The following FRMPD4 variants were observed in gnomAD, a reference collection of about 807,000 sequenced individuals.
FRMPD4 encodes FERM and PDZ domain-containing protein 4.
Under a neutral mutation model 94.1 loss-of-function variants are expected in FRMPD4, and 22 were observed. The observed-to-expected ratio is 0.23, with a 90% CI of 0.17 to 0.33. The LOEUF (loss-of-function observed/expected upper bound fraction) is 0.33. FRMPD4 is among the 10% of genes least tolerant of loss of function. The pLI is 1.00. For missense variants in FRMPD4, 1,111 were observed against 1,339.9 expected (o/e 0.83, Z 2.67); for synonymous variants, 631 against 548.6 (o/e 1.15, Z -2.10).
intron 2 of FRMPD4, among the ~76,000 whole-genome samples, chrX:12,555,150 C>T (rs2058582237): frequency 9.0e-6 from 1 of 110,521 alleles, no homozygotes; most frequent in Non-Finnish European, 1.9e-5. Flanking sequence ...CTCTGCTTGT[C>T]CTCTTAGTTT....
chrX:12,519,780 A>T (rs1279779891), intron 2 of FRMPD4, among the ~76,000 whole-genome samples: 1 of 112,486 alleles, frequency 8.9e-6, no homozygotes, highest in Non-Finnish European at 1.9e-5. Flanking sequence ...ATGATAAATG[A>T]CCAACAAACA....
chrX:12,245,497 C>T (rs184364833), intron 1 of FRMPD4, among the ~76,000 whole-genome samples: 1,348 of 102,125 alleles, frequency 0.013, 15 homozygotes, highest in Non-Finnish European at 0.022. Context: ...AATCTCTTCT[C>T]CTCTCTTATG....
intron 1 of FRMPD4, among the ~76,000 whole-genome samples, chrX:12,370,350 G>C (rs1383039993): frequency 2.7e-5 from 3 of 112,106 alleles, no homozygotes; most frequent in South Asian, 7.4e-4. Context: ...TTTTGAACTG[G>C]GAAAGCAGAT....
chrX:12,474,761 G>T (rs1384731221), intron 1 of FRMPD4, among the ~76,000 whole-genome samples: 1 of 111,303 alleles, frequency 9.0e-6, no homozygotes, highest in African/African-American at 3.3e-5. Flanking sequence ...ACTAAACCAG[G>T]AAGAAGTTGA....
At chrX:12,084,980 A>G (rs921154744) in intron 3 of FRMPD4, among the ~76,000 whole-genome samples, 1 of 112,359 alleles carries the variant, frequency 8.9e-6, no homozygotes, top group Non-Finnish European at 1.9e-5. Context: ...AGAATAGAAA[A>G]TAAAAAACAG....
At chrX:11,920,594 A>G (rs1452926405) in intron 3 of FRMPD4, among the ~76,000 whole-genome samples, 1 of 112,695 alleles carries the variant, frequency 8.9e-6, no homozygotes, top group East Asian at 2.8e-4. Context: ...AAGAAAAATA[A>G]CATTTAATGA....
upstream of FRMPD4, among the ~76,000 whole-genome samples, chrX:12,135,940 G>A (rs1318819581): frequency 2.7e-5 from 3 of 111,637 alleles, no homozygotes; most frequent in Non-Finnish European, 5.6e-5. Flanking sequence ...CAGAGATGAG[G>A]GAACGTGTCG....
chrX:12,643,203 T>C (rs1026815350), intron 4 of FRMPD4, among the ~76,000 whole-genome samples: 1 of 109,580 alleles, frequency 9.1e-6, no homozygotes, highest in East Asian at 2.9e-4. Context: ...AGTGGTGTGA[T>C]CTTGGCTCAC....
chrX:11,891,112 C>T (rs757245789), intron 3 of FRMPD4, among the ~76,000 whole-genome samples: 32 of 112,738 alleles, frequency 2.8e-4, no homozygotes, highest in African/African-American at 8.7e-4. Flanking sequence ...ACACGTCTTC[C>T]TGCCTTCCCT....
intron 5 of FRMPD4, among the ~76,000 whole-genome samples, chrX:12,682,714 C>T (rs73198280): frequency 0.01 from 1,160 of 111,936 alleles, 6 homozygotes; most frequent in Middle Eastern, 0.014. Flanking sequence ...ATCACAGCAC[C>T]CTTCTAGGCA....
intron 2 of FRMPD4, among the ~76,000 whole-genome samples, chrX:11,871,439 G>A (rs1240790850): frequency 8.9e-6 from 1 of 112,278 alleles, no homozygotes; most frequent in Non-Finnish European, 1.9e-5. Context: ...GCCCCTACCA[G>A]GGTGGCCACA....
intron 1 of FRMPD4, among the ~76,000 whole-genome samples, chrX:12,497,059 A>G (rs781052188): frequency 8.9e-6 from 1 of 111,735 alleles, no homozygotes; most frequent in Non-Finnish European, 1.9e-5. Context: ...GAGGGGAAGA[A>G]GAATGGAAAG....
intron 4 of FRMPD4, among the ~76,000 whole-genome samples, chrX:12,661,799 C>T (rs2059716704): frequency 8.9e-6 from 1 of 112,095 alleles, no homozygotes; most frequent in African/African-American, 3.2e-5. Context: ...TATAATCTCT[C>T]TTCAGAGTGT....
At position 12,690,143 on chromosome X, in the gene FRMPD4, C is replaced by T. The variant is rs905022788; in HGVS notation, c.682-52C>T. On this transcript the variant is annotated intron_variant, in intron 7 of 16. Transcript: ENST00000675598. ...CACTTTTCAGTCATGGTAGACTCCA[C>T]AAGATGGCAGCTTCGATTTTGGTCT... 6 of 1,099,606 alleles carry T rather than the reference C, an allele frequency of 5.5e-6. No individual in the cohort carries two copies. In the Admixed American group the frequency reaches 1.4e-4, roughly 26 times the overall value. The allele number at this position is 1,099,606 out of a possible 1,213,427, so 90.6% of individuals were successfully genotyped here. A position where few individuals can be genotyped will look rare whatever the true frequency, so the allele number is the denominator to read the frequency against.
intron 1 of FRMPD4, among the ~76,000 whole-genome samples, chrX:12,198,115 A>G (rs1167363866): frequency 8.9e-6 from 1 of 112,030 alleles, no homozygotes; most frequent in Non-Finnish European, 1.9e-5. Flanking sequence ...ATGTGAATAT[A>G]TTAATACTAT....
intron 1 of FRMPD4, among the ~76,000 whole-genome samples, chrX:12,464,741 A>G (rs2057431164): frequency 1.8e-5 from 2 of 111,706 alleles, no homozygotes; most frequent in Admixed American, 9.5e-5. Context: ...TTAGATGATC[A>G]TTATGAGTAA....
In FRMPD4 at chrX:12,684,106, A is replaced by G. The variant is rs753528257; in HGVS notation, c.573+519A>G. Among the ~76,000 whole-genome samples the G allele has an allele frequency of 7.1e-5, 8 of 112,401 alleles. 1 individual carries two copies. In the East Asian group the frequency reaches 2.2e-3, roughly 31 times the overall value. ...TGTAGGCAACCAGAACTGAAGAAAT[A>G]CTGCCCACATCTCCATAAATAGGTC... On this transcript the variant is annotated intron_variant, in intron 6 of 16. Coordinates refer to ENST00000675598, the MANE Select transcript of FRMPD4 (RefSeq NM_001368397.1).
chrX:12,118,594 A>G (rs1399791205), intron 3 of FRMPD4, among the ~76,000 whole-genome samples: 2 of 111,722 alleles, frequency 1.8e-5, no homozygotes, highest in Non-Finnish European at 3.8e-5. Flanking sequence ...GGGCAGGGAC[A>G]GGCTTGTCTC....
At chrX:12,210,943 C>T (rs1246397088) in intron 1 of FRMPD4, among the ~76,000 whole-genome samples, 3 of 112,140 alleles carry the variant, frequency 2.7e-5, no homozygotes, top group African/African-American at 9.7e-5. Context: ...TTAAAAATCC[C>T]ACAGATCTAA....
Sources: allele counts gnomAD v4.1 joint callset (sites outside exome capture counted in the v4.1 genomes callset), GRCh38; gene constraint gnomAD v4.1.1; transcripts MANE v1.5; gene names NCBI Gene and HGNC (gene_info 2026-07-23, HGNC 2026-07-21).